The following MUC17 variants were observed in gnomAD, a reference collection of about 807,000 sequenced individuals.
MUC17 encodes the protein mucin-17.
MUC17 carries 190 observed loss-of-function variants against 170.3 expected under a neutral mutation model. The observed-to-expected ratio is 1.12, with a 90% CI of 0.99 to 1.26. The LOEUF (loss-of-function observed/expected upper bound fraction) is 1.26. Ranked by LOEUF, MUC17 falls within the 50% of genes most tolerant of loss-of-function variation. The pLI is 0.00. For missense variants in MUC17, 6,415 were observed against 5,530.0 expected (o/e 1.16, Z -5.08); for synonymous variants, 2,325 against 2,002.5 (o/e 1.16, Z -4.30).
intron 1 of MUC17, among the ~76,000 whole-genome samples, chr7:101,027,269 C>G (rs1159173050): frequency 6.6e-6 from 1 of 152,128 alleles, no homozygotes; most frequent in African/African-American, 2.4e-5. Context: ...GGTGGGGCAC[C>G]TAGGGCCCAT....
At position 101,039,389 on chromosome 7, in the gene MUC17, T is replaced by C; in HGVS notation, c.7973T>C (p.Val2658Ala). 1.2e-6 allele frequency: 2 copies of C among 1,611,734 alleles called. No individual in the cohort carries two copies. The highest frequency in any genetic ancestry group is 1.7e-6 in the Non-Finnish European group (2 of 1,179,090). The part of the protein sequence containing the change: ...SEASTLSTTP[V>A]DTRTLVTTST... ...GCTAGCACCCTTTCAACAACTCCTG[T>C]TGACACCAGGACACTTGTGACCACT... Residue 2658 changes from valine (V) to alanine (A), a missense_variant, in exon 3 of 13, where the codon GTT becomes GCT. Coordinates refer to ENST00000306151, the MANE Select transcript of MUC17 (RefSeq NM_001040105.2).
In MUC17 at chr7:101,037,046, CA is replaced by C; in HGVS notation, c.5632del (p.Thr1878GlnfsTer21). 6.3e-7 allele frequency: 1 copy of C among 1,582,506 alleles called. No homozygotes were observed. The highest frequency in any genetic ancestry group is 1.2e-5 in the South Asian group (1 of 80,534). The part of the protein sequence containing the change: ...TALTSIPVST[T>X]TVASSETNTL... Reference sequence around the variant, plus strand: ...TTAACAAGTATACCTGTCAGCACCACAACAGTGGCCAGTTCTGAAACCAACA... The same window carrying C: ...TTAACAAGTATACCTGTCAGCACCACACAGTGGCCAGTTCTGAAACCAACA... On this transcript the variant is annotated frameshift_variant, in exon 3 of 13. Coordinates refer to ENST00000306151, the MANE Select transcript of MUC17 (RefSeq NM_001040105.2). LOFTEE classifies it high-confidence loss of function.
intron 8 of MUC17, 51 bp downstream of exon 8, chr7:101,051,732 C>T: frequency 6.2e-7 from 1 of 1,606,086 alleles, no homozygotes; most frequent in Admixed American, 1.7e-5. Flanking sequence ...GTGGGGAGCC[C>T]AGGAGGAGTG....
rs1399762275 is a variant in MUC17, at chr7:101,042,634, A to G, written c.11218A>G (p.Ser3740Gly). 1 of 1,614,100 alleles carries G rather than the reference A, an allele frequency of 6.2e-7. No homozygotes were observed. Among genetic ancestry groups the G allele is most frequent in the Non-Finnish European group, 8.5e-7 (1 of 1,180,038 alleles). ...CATTTCATCTTCTGCAACTCTTGAC[A>G]GCACCACCATGTCTGTGTCAATGCC... The part of the protein sequence containing the change: ...EAISSSATLD[S>G]TTMSVSMPME... The change falls in exon 3 of 13, where the codon AGC (serine) becomes GGC (glycine). Residue 3740 changes from serine (S) to glycine (G), a missense_variant. Coordinates refer to ENST00000306151, the MANE Select transcript of MUC17 (RefSeq NM_001040105.2).
chr7:101,040,366 G>A lies in MUC17; in HGVS notation c.8950G>A (p.Glu2984Lys), dbSNP rs193920784. The A allele has an allele frequency of 4.5e-5, 73 of 1,611,902 alleles. No homozygotes were observed. The highest frequency in any genetic ancestry group is 5.2e-5 in the Non-Finnish European group (61 of 1,179,460). ...GTSMPISTPG[E>K]RRTPLTSMSV... ...CAGCATGCCAATCTCAACTCCTGGC[G>A]AAAGAAGAACTCCATTAACAAGTAT... The change falls in exon 3 of 13, where the codon GAA becomes AAA. Residue 2984 changes from glutamate (E) to lysine (K), a missense_variant. Coordinates refer to ENST00000306151, the MANE Select transcript of MUC17 (RefSeq NM_001040105.2).
intron 5 of MUC17, 47 bp downstream of exon 5, chr7:101,049,019 A>G: frequency 6.2e-7 from 1 of 1,613,244 alleles, no homozygotes; most frequent in Non-Finnish European, 8.5e-7. Context: ...TTCCCCCCAG[A>G]GCAGAGTCTG....
intron 1 of MUC17, among the ~76,000 whole-genome samples, chr7:101,028,278 A>G (rs1794216736): frequency 6.8e-6 from 1 of 147,368 alleles, no homozygotes; most frequent in South Asian, 2.1e-4. Context: ...TTTAGTAGAG[A>G]CAGGGTTTCA....
In MUC17 at chr7:101,037,117, T is replaced by C. The variant is rs1377773204; in HGVS notation, c.5701T>C (p.Tyr1901His). 1 of 1,586,826 alleles carries C rather than the reference T, an allele frequency of 6.3e-7. No homozygotes were observed. Among genetic ancestry groups the C allele is most frequent in the Non-Finnish European group, 8.5e-7 (1 of 1,178,754 alleles). ...PAVTSTPVTTYAQVSSSPTTA... is the reference protein window; with the variant it reads ...PAVTSTPVTTHAQVSSSPTTA... ...TGTCACCAGCACACCTGTGACCACT[T>C]ATGCTCAAGTCAGTTCATCTCCTAC... Residue 1901 changes from tyrosine (Y) to histidine (H), a missense_variant, in exon 3 of 13, where the codon TAT (tyrosine) becomes CAT (histidine). By Grantham distance (83) the Tyr-to-His change is moderately conservative. Transcript: ENST00000306151.
chr7:101,036,719 C>T lies in MUC17; in HGVS notation c.5303C>T (p.Thr1768Ile), dbSNP rs760264655. ...CCGGTACTCAGTTCTGAGGCTAGCA[C>T]CCTTTCAGCAACTCCTATTGACACC... ...TTPVLSSEASTLSATPIDTST... is the reference protein window; with the variant it reads ...TTPVLSSEASILSATPIDTST... The change falls in exon 3 of 13, where the codon ACC becomes ATC. Residue 1768 changes from threonine (T) to isoleucine (I), a missense_variant. Thr to Ile is a moderately conservative substitution (Grantham distance 89, BLOSUM62 -1). Transcript: ENST00000306151. The T allele has an allele frequency of 2.5e-6, 4 of 1,612,762 alleles. No individual in the cohort carries two copies. The highest frequency in any genetic ancestry group is 3.4e-6 in the Non-Finnish European group (4 of 1,179,422).
rs147089389 is a variant in MUC17 at position 101,038,786 on chromosome 7, C to T, written c.7370C>T (p.Pro2457Leu). 172 of 1,612,384 alleles carry T rather than the reference C, an allele frequency of 1.1e-4. No individual in the cohort carries two copies. The highest frequency in any genetic ancestry group is 1.6e-4 in the Middle Eastern group (1 of 6,078). ...PTSPPSEGTTPLASMPVSTTP... is the reference protein window; with the variant it reads ...PTSPPSEGTTLLASMPVSTTP... ...TCACCTCCTAGTGAAGGAACCACTC[C>T]GTTAGCAAGTATGCCTGTCAGCACC... is the stretch of plus-strand genomic sequence containing the variant. The change falls in exon 3 of 13, where the codon CCG becomes CTG. Residue 2457 changes from proline to leucine, a missense_variant. Coordinates refer to ENST00000306151, the MANE Select transcript of MUC17 (RefSeq NM_001040105.2).
Position 101,035,288 on chromosome 7 carries a change from C to G in MUC17, c.3872C>G (p.Thr1291Ser). Residue 1291 changes from threonine to serine, a missense_variant, in exon 3 of 13, where the codon ACC becomes AGC. Physicochemically the swap from Thr to Ser is moderately conservative, Grantham distance 58. Coordinates refer to ENST00000306151, the MANE Select transcript of MUC17 (RefSeq NM_001040105.2). ...ATACCTGTCAGCACCACGCTGGTGA[C>G]CAGTCCTGAGGCTAGCACCCTTTTA... ...TSIPVSTTLV[T>S]SPEASTLLTT... The G allele has an allele frequency of 1.9e-6, 3 of 1,608,130 alleles. No homozygotes were observed. The highest frequency in any genetic ancestry group is 1.1e-5 in the South Asian group (1 of 90,638).
At position 101,045,054 on chromosome 7, in the gene MUC17, C is replaced by T. The variant is rs534085027; in HGVS notation, c.12403+1235C>T. Among the ~76,000 whole-genome samples, 105 of 152,272 alleles carry T rather than the reference C, an allele frequency of 6.9e-4. 3 individuals carry two copies. The South Asian group carries it at 0.022, about 31-fold the overall frequency. ...TTCTCTCTTGTTAGGGTGAGCGTTGCACCATTCAATACCTGCTATTATAAT... is the reference window on the plus strand; with the variant it reads ...TTCTCTCTTGTTAGGGTGAGCGTTGTACCATTCAATACCTGCTATTATAAT... On this transcript the variant is annotated intron_variant, in intron 3 of 12. Coordinates refer to ENST00000306151, the MANE Select transcript of MUC17 (RefSeq NM_001040105.2).
Position 101,036,081 on chromosome 7 carries a change from T to C in MUC17, c.4665T>C (p.Pro1555=). The stretch of plus-strand genomic sequence containing the variant: ...CTTATTCTCAAGCCAGTTCATCTCC[T>C]ACAACTGCTGACGGTACCAGCATGC... ...VTTYSQASSS[P]TTADGTSMQT... The change falls in exon 3 of 13, where the codon CCT becomes CCC. Residue 1555 remains proline (P), a synonymous_variant. Coordinates refer to ENST00000306151, the MANE Select transcript of MUC17 (RefSeq NM_001040105.2). 1 of 1,612,288 alleles carries C rather than the reference T, an allele frequency of 6.2e-7. No homozygotes were observed.
intron 3 of MUC17, 67 bp downstream of exon 3, chr7:101,043,886 A>T: frequency 7.0e-7 from 1 of 1,435,766 alleles, no homozygotes. Context: ...ACATGTGCAC[A>T]ACGTGCAGGT....
At chr7:101,028,985 C>T (rs1027386760) in intron 1 of MUC17, among the ~76,000 whole-genome samples, 9 of 152,000 alleles carry the variant, frequency 5.9e-5, no homozygotes, top group Admixed American at 6.6e-5. Context: ...GTCGGGAGTT[C>T]GAGACCAGCC....
In MUC17 at chr7:101,037,997, A is replaced by G. The variant is rs763858746; in HGVS notation, c.6581A>G (p.Asn2194Ser). ...TPVDTSTPVT[N>S]STEARSSPTT... is the part of the protein sequence containing the mutation. ...GTTGACACCAGCACACCTGTGACCA[A>G]TTCTACTGAAGCCCGTTCATCTCCT... Residue 2194 changes from asparagine (N) to serine (S), a missense_variant, in exon 3 of 13, where the codon AAT becomes AGT. Physicochemically the swap from Asn to Ser is conservative, Grantham distance 46. Coordinates refer to ENST00000306151, the MANE Select transcript of MUC17 (RefSeq NM_001040105.2). 2 of 1,580,278 alleles carry G rather than the reference A, an allele frequency of 1.3e-6. No individual in the cohort carries two copies. Among genetic ancestry groups the G allele is most frequent in the Non-Finnish European group, 1.7e-6 (2 of 1,165,190 alleles).
rs1794711336 is a variant in MUC17 at position 101,041,740 on chromosome 7, A to G, written c.10324A>G (p.Ile3442Val). 1 of 1,613,516 alleles carries G rather than the reference A, an allele frequency of 6.2e-7. No homozygotes were observed. Residue 3442 changes from isoleucine (I) to valine (V), a missense_variant, in exon 3 of 13, where the codon ATC becomes GTC. Physicochemically the swap from Ile to Val is conservative, Grantham distance 29 (BLOSUM62 3). Transcript: ENST00000306151. ...TACTGAAGCCAGTTCATCTCCTACA[A>G]TCGCTGAAGGTACCAGCTTGCCAAC... Reference protein sequence around the residue: ...TSTEASSSPTIAEGTSLPTST... With the variant: ...TSTEASSSPTVAEGTSLPTST...
chr7:101,048,120 G>C lies in MUC17; in HGVS notation c.12535+5G>C. On this transcript the variant is annotated splice_donor_5th_base_variant and intron_variant, in intron 4 of 12. Transcript: ENST00000306151. ...TGGTCAGCAGCATTGACATAGGTGAGTGCAACCCCAGGCCTTCCCCCACCC... is the reference window on the plus strand; with the variant it reads ...TGGTCAGCAGCATTGACATAGGTGACTGCAACCCCAGGCCTTCCCCCACCC... 6.3e-7 allele frequency: 1 copy of C among 1,576,920 alleles called. No homozygotes were observed. The highest frequency in any genetic ancestry group is 1.4e-5 in the African/African-American group (1 of 73,128).
At position 101,053,130 on chromosome 7, in the gene MUC17, C is replaced by A. The variant is rs1055016860; in HGVS notation, c.13248C>A (p.Ser4416=). ...LVALLMLVFR[S]KREVKRQKYR... Reference sequence around the variant, plus strand: ...CTCTCCTGATGCTCGTTTTCCGCTCCAAGAGAGAGGTGAAACGGTGAGCGA... The same window carrying A: ...CTCTCCTGATGCTCGTTTTCCGCTCAAAGAGAGAGGTGAAACGGTGAGCGA... Residue 4416 remains serine, a synonymous_variant, in exon 10 of 13, where the codon TCC becomes TCA. Coordinates refer to ENST00000306151, the MANE Select transcript of MUC17 (RefSeq NM_001040105.2). 2.5e-5 allele frequency: 40 copies of A among 1,613,842 alleles called. No individual in the cohort carries two copies. Among genetic ancestry groups the A allele is most frequent in the Non-Finnish European group, 3.2e-5 (38 of 1,179,912 alleles).
Sources: gnomAD v4.1 joint callset for allele counts (sites outside exome capture counted in the v4.1 genomes callset) on GRCh38, gnomAD v4.1.1 for gene constraint, MANE v1.5 for transcripts, NCBI Gene and HGNC (gene_info 2026-07-23, HGNC 2026-07-21) for gene names.